Variants in NALCN observed in about 807,000 individuals in gnomAD.
NALCN encodes the protein sodium leak channel NALCN.
Under a neutral mutation model 225.3 loss-of-function variants are expected in NALCN, and 111 were observed. The ratio of observed to expected loss-of-function variants is 0.49; its 90% CI spans 0.42 to 0.58. NALCN has a LOEUF of 0.58. Ranked by LOEUF, NALCN falls within the 20% of genes least tolerant of loss-of-function variation. The probability of loss-of-function intolerance (pLI) is 0.00; values close to 1 mark genes in which losing one functional copy is unlikely to be tolerated. For missense variants in NALCN, 1,378 were observed against 2,202.4 expected (o/e 0.63, Z 7.49); for synonymous variants, 764 against 769.0 (o/e 0.99, Z 0.11).
chr13:101,087,049 T>G (rs956687363), intron 30 of NALCN, among the ~76,000 whole-genome samples: 1 of 152,154 alleles, frequency 6.6e-6, no homozygotes, highest in Admixed American at 6.5e-5. Flanking sequence ...ATCTGATCAT[T>G]AATATATAAA....
At chr13:101,250,424 G>C (rs1309544008) in intron 11 of NALCN, among the ~76,000 whole-genome samples, 4 of 152,032 alleles carry the variant, frequency 2.6e-5, no homozygotes, top group Non-Finnish European at 5.9e-5. Flanking sequence ...CTAAAGCTTT[G>C]ATGTATAGAC....
chr13:101,409,617 G>C (rs1372622220), intron 1 of NALCN, among the ~76,000 whole-genome samples: 6 of 152,192 alleles, frequency 3.9e-5, no homozygotes, highest in Non-Finnish European at 8.8e-5. Flanking sequence ...GATTGTGGTT[G>C]TTTAATCTTA....
chr13:101,067,397 T>C (rs1329683703), intron 39 of NALCN, among the ~76,000 whole-genome samples: 1 of 151,522 alleles, frequency 6.6e-6, no homozygotes, highest in Non-Finnish European at 1.5e-5. Context: ...ATGACGACAA[T>C]GACAAGAAGA....
Position 101,082,856 on chromosome 13 carries a change from G to C in NALCN, c.3718C>G (p.Pro1240Ala). The change falls in exon 33 of 44, where the codon CCT becomes GCT. Residue 1240 changes from proline to alanine, a missense_variant. Around this residue, in one of 19 missense-constraint regions of NALCN, gnomAD observed 98 missense variants for 156.6 expected, o/e 0.63. Coordinates refer to ENST00000251127, the MANE Select transcript of NALCN (RefSeq NM_052867.4). Reference sequence around the variant, plus strand: ...AAAACAACTGACATTGTTGCCAAAGGTACGGTCACCGGGTCCTCGACGTCC... The same window carrying C: ...AAAACAACTGACATTGTTGCCAAAGCTACGGTCACCGGGTCCTCGACGTCC... ...KWDVEDPVTV[P>A]LATMSVVFTF... 6.2e-7 allele frequency: 1 copy of C among 1,614,160 alleles called. No homozygotes were observed.
chr13:101,200,548 A>G (rs1449312978), intron 13 of NALCN, among the ~76,000 whole-genome samples: 1 of 152,072 alleles, frequency 6.6e-6, no homozygotes, highest in Non-Finnish European at 1.5e-5. Flanking sequence ...GGGATAAGCA[A>G]AAGTTTCCAC....
intron 10 of NALCN, among the ~76,000 whole-genome samples, chr13:101,281,178 T>C (rs1043449099): frequency 6.6e-6 from 1 of 152,126 alleles, no homozygotes; most frequent in Non-Finnish European, 1.5e-5. Context: ...ATTTTAAGAT[T>C]ATGCACTAAA....
intron 6 of NALCN, among the ~76,000 whole-genome samples, chr13:101,362,183 C>A (rs1023749880): frequency 6.6e-6 from 1 of 151,808 alleles, no homozygotes; most frequent in Non-Finnish European, 1.5e-5. Flanking sequence ...ATAACATATA[C>A]ATAGGGATAG....
At chr13:101,114,666 G>C (rs2035617239) in intron 18 of NALCN, among the ~76,000 whole-genome samples, 1 of 152,184 alleles carries the variant, frequency 6.6e-6, no homozygotes, top group African/African-American at 2.4e-5. Context: ...GCAGCTTGGA[G>C]AGAGACATGA....
Position 101,104,717 on chromosome 13 carries a change from G to A in NALCN, c.2637-67C>T, listed in dbSNP as rs577708495. 3.7e-4 allele frequency: 585 copies of A among 1,600,194 alleles called. 1 individual carries two copies. In the African/African-American group the frequency reaches 7.0e-3, roughly 19 times the overall value. ...GGAAAGGCTTCTAAGAGTTAGAGATGATGGCTTCTGTGGCTCTATCAACAT... is the reference window on the plus strand; with the variant it reads ...GGAAAGGCTTCTAAGAGTTAGAGATAATGGCTTCTGTGGCTCTATCAACAT... On this transcript the variant is annotated intron_variant, in intron 23 of 43. Coordinates refer to ENST00000251127, the MANE Select transcript of NALCN (RefSeq NM_052867.4). The surrounding 1 kb of genome is among the most constrained non-coding windows in gnomAD (Gnocchi z 4.2).
At chr13:101,374,504 C>G (rs2046632148) in intron 6 of NALCN, among the ~76,000 whole-genome samples, 1 of 152,000 alleles carries the variant, frequency 6.6e-6, no homozygotes. Context: ...TCAGGCTGGT[C>G]TGGAACTCCT....
At chr13:101,347,576 T>C (rs547401699) in intron 6 of NALCN, among the ~76,000 whole-genome samples, 2 of 152,204 alleles carry the variant, frequency 1.3e-5, no homozygotes, top group South Asian at 4.1e-4. Context: ...TCATCAACGA[T>C]GCTTGTCATC....
chr13:101,071,589 C>T (rs1464798045), intron 37 of NALCN, among the ~76,000 whole-genome samples: 1 of 152,160 alleles, frequency 6.6e-6, no homozygotes, highest in Non-Finnish European at 1.5e-5. Context: ...AGAGTAAGGG[C>T]CTTCTTCTGC....
chr13:101,384,409 G>A (rs371957471), intron 3 of NALCN, among the ~76,000 whole-genome samples: 2 of 151,816 alleles, frequency 1.3e-5, no homozygotes, highest in East Asian at 1.9e-4. Context: ...CAACGATAAG[G>A]TAAGAAAGTA....
intron 7 of NALCN, among the ~76,000 whole-genome samples, chr13:101,325,951 TTCAG>T (rs1169048843): frequency 7.2e-5 from 11 of 152,154 alleles, no homozygotes; most frequent in African/African-American, 2.4e-4. Context: ...GACTTGAGAG[TTCAG>T]TCAAACTCTG....
intron 7 of NALCN, among the ~76,000 whole-genome samples, chr13:101,341,606 A>G (rs1033362937): frequency 6.6e-6 from 1 of 151,832 alleles, no homozygotes; most frequent in Non-Finnish European, 1.5e-5. Flanking sequence ...ATTTTTTTTC[A>G]GTTTTAAAAG....
chr13:101,294,327 T>C (rs190136205), intron 7 of NALCN, among the ~76,000 whole-genome samples: 7 of 152,234 alleles, frequency 4.6e-5, no homozygotes, highest in African/African-American at 1.7e-4. Flanking sequence ...CAGAGAGGCC[T>C]TGAAATGTTC....
At chr13:101,248,841 C>T (rs907294999) in intron 11 of NALCN, among the ~76,000 whole-genome samples, 2 of 152,142 alleles carry the variant, frequency 1.3e-5, no homozygotes, top group African/African-American at 4.8e-5. Flanking sequence ...TTCTGTGAGT[C>T]ATTCTAGCAA....
intron 18 of NALCN, among the ~76,000 whole-genome samples, chr13:101,118,768 A>G (rs2035835102): frequency 2.6e-5 from 4 of 152,184 alleles, no homozygotes; most frequent in Non-Finnish European, 1.5e-5. Flanking sequence ...AATTGCTGCT[A>G]TCTCAGGGGT....
chr13:101,344,801 GTTCA>G (rs2045664219), intron 7 of NALCN, among the ~76,000 whole-genome samples: 1 of 152,128 alleles, frequency 6.6e-6, no homozygotes, highest in South Asian at 2.1e-4. Flanking sequence ...TCACTAAGTA[GTTCA>G]TTAATTGTAT....
Sources: allele counts gnomAD v4.1 joint callset (sites outside exome capture counted in the v4.1 genomes callset), GRCh38; gene constraint gnomAD v4.1.1; regional missense constraint gnomAD v4.1.1; non-coding constraint Gnocchi (gnomAD v3.1); transcripts MANE v1.5; gene names NCBI Gene and HGNC (gene_info 2026-07-23, HGNC 2026-07-21).